NEU4: variants seen among roughly 807,000 people sequenced by gnomAD.
The protein encoded by NEU4 is sialidase-4.
A neutral mutation model predicts 9.9 loss-of-function variants in NEU4; 7 were observed. That is an observed-to-expected ratio of 0.71 (90% CI 0.40 to 1.33). The LOEUF (loss-of-function observed/expected upper bound fraction) is 1.33, where lower values mean the gene tolerates loss of function less well. NEU4 is among the 40% of genes most tolerant of loss of function. NEU4 has a pLI of 0.01. For synonymous variants in NEU4, 348 were observed against 316.9 expected (o/e 1.10, Z -1.04); for missense variants, 717 against 712.6 (o/e 1.01, Z -0.07).
At chr2:241,810,942 G>C in intron 1 of NEU4, 1 of 991,656 alleles carries the variant, frequency 1.0e-6, no homozygotes, top group Non-Finnish European at 1.2e-6. Flanking sequence ...ATTGCGATGG[G>C]GTGCTGGCCT....
chr2:241,813,661 G>C (rs755156239), intron 1 of NEU4: 1 of 638,614 alleles, frequency 1.6e-6, no homozygotes, highest in South Asian at 1.5e-5. Context: ...TCCTGTGGGC[G>C]CTTCTCAGGT....
intron 1 of NEU4, chr2:241,810,939 TG>T (rs1320084350): frequency 1.0e-6 from 1 of 990,604 alleles, no homozygotes; most frequent in Non-Finnish European, 1.2e-6. Context: ...GACATTGCGA[TG>T]GGGTGCTGGC....
intron 1 of NEU4, among the ~76,000 whole-genome samples, chr2:241,813,102 C>T (rs551871930): frequency 2.6e-5 from 4 of 152,266 alleles, no homozygotes; most frequent in South Asian, 2.1e-4. Flanking sequence ...TTTCAGGAAC[C>T]GGTGGCCCAG....
In NEU4 at chr2:241,817,129, T is replaced by TG. The variant is rs988334766; in HGVS notation, c.*89dup. ...ACGTTGGGGTGCCCCACGATAGCTG[T>TG]GGGGGGGGCTCTTAGTGCAGGATCC... On this transcript the variant is annotated 3_prime_UTR_variant, in exon 4 of 4. Coordinates refer to ENST00000407683, the MANE Select transcript of NEU4 (RefSeq NM_001167600.3). The TG allele has an allele frequency of 6.5e-4, 876 of 1,353,570 alleles. No homozygotes were observed. The highest frequency in any genetic ancestry group is 2.3e-3 in the African/African-American group (157 of 67,692). 83.8% of individuals were successfully genotyped at this position (1,353,570 alleles called of 1,614,324 possible).
At position 241,816,952 on chromosome 2, in the gene NEU4, T is replaced by A; in HGVS notation, c.1359T>A (p.Cys453Ter). ...CCTCCTATGATGAGATTTCCTTTTG[T>A]ACATTCTCCCTGCGTGAGGTCCTGG... ...ARTSYDEISFCTFSLREVLEN... is the reference protein window; with the variant it reads ...ARTSYDEISF Residue 453 changes from cysteine (C) to a stop codon, truncating the protein, a stop_gained, in exon 4 of 4, where the codon TGT (cysteine) becomes TGA (stop). Transcript: ENST00000407683. LOFTEE classifies it low-confidence loss of function (END_TRUNC). The A allele has an allele frequency of 6.2e-7, 1 of 1,612,780 alleles. No individual in the cohort carries two copies. The highest frequency in any genetic ancestry group is 8.5e-7 in the Non-Finnish European group (1 of 1,179,902).
At chr2:241,815,592 C>T (rs1191672575) in intron 3 of NEU4, 2 of 504,144 alleles carry the variant, frequency 4.0e-6, no homozygotes, top group East Asian at 6.1e-5. Context: ...CAACAGCCAC[C>T]CCGCCCCACC....
intron 1 of NEU4, 192 bp from the exon 2 acceptor site, chr2:241,814,290 G>T (rs118164027): frequency 0.022 from 13,860 of 622,904 alleles, 1,311 homozygotes; most frequent in Admixed American, 0.2. Flanking sequence ...GGGAGGGTGG[G>T]GGAGGGGCTG....
rs1312809019 is a variant in NEU4 at position 241,814,564 on chromosome 2, T to A, written c.80T>A (p.Leu27Gln). 6.2e-7 allele frequency: 1 copy of A among 1,612,518 alleles called. No homozygotes were observed. The highest frequency in any genetic ancestry group is 1.7e-5 in the Admixed American group (1 of 59,980). Reference protein sequence around the residue: ...RTGLTYRVPSLLPVPPGPTLL... With the variant: ...RTGLTYRVPSQLPVPPGPTLL... Reference sequence around the variant, plus strand: ...GGCCTGACCTACCGCGTGCCCTCGCTGCTCCCCGTGCCCCCCGGGCCCACC... The same window carrying A: ...GGCCTGACCTACCGCGTGCCCTCGCAGCTCCCCGTGCCCCCCGGGCCCACC... Residue 27 changes from leucine to glutamine, a missense_variant, in exon 2 of 4, where the codon CTG (leucine) becomes CAG (glutamine). By Grantham distance (113) the Leu-to-Gln change is moderately radical. Coordinates refer to ENST00000407683, the MANE Select transcript of NEU4 (RefSeq NM_001167600.3).
At chr2:241,811,752 A>G (rs1035642303) in intron 1 of NEU4, 4 of 370,506 alleles carry the variant, frequency 1.1e-5, no homozygotes, top group African/African-American at 2.1e-5. Flanking sequence ...GGGCAGATTC[A>G]GGGCATGGGA....
chr2:241,812,329 C>A (rs1700146753), intron 1 of NEU4, among the ~76,000 whole-genome samples: 1 of 152,168 alleles, frequency 6.6e-6, no homozygotes, highest in African/African-American at 2.4e-5. Flanking sequence ...CTCGGTTTCC[C>A]CTTCTGTGAC....
At position 241,817,071 on chromosome 2, in the gene NEU4, G is replaced by A. The variant is rs960165337; in HGVS notation, c.*23G>A. ...TGACAGGCCTTCTGGCCGTGCCCAT[G>A]CCCCTTGGGTGCCTGGGGCAGAGGG... On this transcript the variant is annotated 3_prime_UTR_variant, in exon 4 of 4. Transcript: ENST00000407683. 2 of 1,542,322 alleles carry A rather than the reference G, an allele frequency of 1.3e-6. No homozygotes were observed. Among genetic ancestry groups the A allele is most frequent in the Non-Finnish European group, 8.7e-7 (1 of 1,148,378 alleles).
intron 1 of NEU4, chr2:241,811,674 C>A: frequency 2.5e-6 from 1 of 405,824 alleles, no homozygotes; most frequent in South Asian, 1.1e-4. Flanking sequence ...AGCAAGAGGT[C>A]CCACATGCAT....
In NEU4 at chr2:241,811,481, A is replaced by C. The variant is rs1700114019; in HGVS notation, c.-4+2207A>C. ...TGGCTGGTGAGTCCCTGCCCTTTGC[A>C]CCCCCAGCACCCTCACCCCTCTACC... On this transcript the variant is annotated intron_variant, in intron 1 of 3. Transcript: ENST00000407683. The C allele has an allele frequency of 3.9e-6, 6 of 1,528,636 alleles. No homozygotes were observed. In the East Asian group the frequency reaches 1.3e-4, roughly 32 times the overall value. 94.7% of individuals were successfully genotyped at this position (1,528,636 alleles called of 1,614,324 possible). A position where few individuals can be genotyped will look rare whatever the true frequency, so the allele number is the denominator to read the frequency against.
intron 2 of NEU4, 84 bp downstream of exon 2, chr2:241,814,769 G>A (rs1244692362): frequency 1.5e-5 from 23 of 1,506,132 alleles, no homozygotes; most frequent in Admixed American, 8.0e-5. Context: ...CGGGGGTGGC[G>A]GCGGCAGGCA....
Position 241,817,118 on chromosome 2 carries a change from CA to C in NEU4, c.*71del. 3 of 1,429,158 alleles carry C rather than the reference CA, an allele frequency of 2.1e-6. No individual in the cohort carries two copies. The highest frequency in any genetic ancestry group is 2.8e-6 in the Non-Finnish European group (3 of 1,083,728). 88.5% of individuals were successfully genotyped at this position (1,429,158 alleles called of 1,614,324 possible). A position where few individuals can be genotyped will look rare whatever the true frequency, so the allele number is the denominator to read the frequency against. The stretch of plus-strand genomic sequence containing the variant: ...AGGGGTGGAATACGTTGGGGTGCCC[CA>C]CGATAGCTGTGGGGGGGGCTCTTAG... On this transcript the variant is annotated 3_prime_UTR_variant, in exon 4 of 4. Coordinates refer to ENST00000407683, the MANE Select transcript of NEU4 (RefSeq NM_001167600.3).
intron 3 of NEU4, chr2:241,815,369 G>T: frequency 1.7e-6 from 1 of 601,532 alleles, no homozygotes; most frequent in Non-Finnish European, 2.9e-6. Context: ...CTCTCCCCAG[G>T]ACTGTTCTGC....
At chr2:241,811,564 T>G in intron 1 of NEU4, 1 of 1,020,390 alleles carries the variant, frequency 9.8e-7, no homozygotes, top group Non-Finnish European at 1.3e-6. Flanking sequence ...CCGCCCCCTC[T>G]GTCTGGGGGT....
chr2:241,809,260 C>T lies in NEU4; in HGVS notation c.-18C>T, dbSNP rs374888432. 26 of 1,288,306 alleles carry T rather than the reference C, an allele frequency of 2.0e-5. No homozygotes were observed. The highest frequency in any genetic ancestry group is 2.5e-5 in the South Asian group (2 of 80,986). The allele number at this position is 1,288,306 out of a possible 1,614,324, so 79.8% of individuals were successfully genotyped here. A position where few individuals can be genotyped will look rare whatever the true frequency, so the allele number is the denominator to read the frequency against. ...CTTTTGTCTCTGCCTTTGAGGTTGG[C>T]GGGAACTGAAACTGGTACGGTCTTT... On this transcript the variant is annotated 5_prime_UTR_variant, in exon 1 of 4. Transcript: ENST00000407683.
chr2:241,814,749 CG>C (rs1700252252), intron 2 of NEU4, 64 bp downstream of exon 2: 2 of 1,504,156 alleles, frequency 1.3e-6, no homozygotes, highest in African/African-American at 2.7e-5. Flanking sequence ...CTGCACACCC[CG>C]GGATGGGGCG....
Sources: allele counts gnomAD v4.1 joint callset (sites outside exome capture counted in the v4.1 genomes callset), GRCh38; gene constraint gnomAD v4.1.1; transcripts MANE v1.5; gene names NCBI Gene and HGNC (gene_info 2026-07-23, HGNC 2026-07-21).